The following PRKAG2 variants were observed in gnomAD, a reference collection of about 807,000 sequenced individuals.
The protein encoded by PRKAG2 is protein kinase AMP-activated non-catalytic subunit gamma 2.
Under a neutral mutation model 69.6 loss-of-function variants are expected in PRKAG2, and 26 were observed. The observed-to-expected ratio is 0.37, with a 90% confidence interval of 0.27 to 0.52. The LOEUF is 0.52. Ranked by LOEUF, PRKAG2 falls within the 20% of genes least tolerant of loss-of-function variation. PRKAG2 has a pLI of 0.90. For missense variants in PRKAG2, 557 were observed against 740.0 expected (o/e 0.75, Z 2.87); for synonymous variants, 293 against 285.0 (o/e 1.03, Z -0.28).
intron 1 of PRKAG2, chr7:151,809,175 GC>G (rs1259479299): frequency 4.4e-6 from 2 of 453,394 alleles, no homozygotes; most frequent in Non-Finnish European, 8.9e-6. Context: ...TTGGGTCTTG[GC>G]CTAATACTAA....
intron 3 of PRKAG2, among the ~76,000 whole-genome samples, chr7:151,697,268 C>G (rs1023727387): frequency 3.9e-5 from 6 of 152,140 alleles, no homozygotes; most frequent in African/African-American, 9.7e-5. Context: ...ACCAGGCCTG[C>G]TCTTGGGGTC....
chr7:151,796,651 G>A (rs150588344), intron 1 of PRKAG2, among the ~76,000 whole-genome samples: 39 of 152,194 alleles, frequency 2.6e-4, no homozygotes, highest in South Asian at 1.0e-3. Context: ...GGCAAGGACC[G>A]CGTCTTTTTC....
At chr7:151,584,724 C>G (rs1811244357) in intron 6 of PRKAG2, among the ~76,000 whole-genome samples, 1 of 152,076 alleles carries the variant, frequency 6.6e-6, no homozygotes, top group African/African-American at 2.4e-5. Flanking sequence ...TAGCAAAACC[C>G]TGCCTCTACA....
intron 5 of PRKAG2, among the ~76,000 whole-genome samples, chr7:151,625,519 A>T (rs192412158): frequency 6.6e-6 from 1 of 152,206 alleles, no homozygotes; most frequent in African/African-American, 2.4e-5. Context: ...ATATGTTTGA[A>T]GGAAATATCT....
intron 5 of PRKAG2, among the ~76,000 whole-genome samples, chr7:151,616,318 GCACA>G (rs1820135973): frequency 1.3e-5 from 2 of 152,132 alleles, no homozygotes; most frequent in Admixed American, 1.3e-4. Context: ...ACACACACAT[GCACA>G]CACACTCATA....
In PRKAG2 at chr7:151,876,464, G is replaced by A. The variant is rs75750979; in HGVS notation, c.114+43C>T. 72,307 of 1,561,556 alleles carry A rather than the reference G, an allele frequency of 0.046. 2,487 individuals carry two copies. The highest frequency in any genetic ancestry group is 0.18 in the East Asian group (8,122 of 44,624). ...CCGCTTCGGCGCCGGGGACGGGAGC[G>A]ACAGGAGGGCTGGGGAGCAGGGGAC... is the stretch of plus-strand genomic sequence containing the variant. On this transcript the variant is annotated intron_variant, in intron 1 of 15. Coordinates refer to ENST00000287878, the MANE Select transcript of PRKAG2 (RefSeq NM_016203.4).
intron 1 of PRKAG2, among the ~76,000 whole-genome samples, chr7:151,838,460 C>A (rs1215110849): frequency 6.6e-6 from 1 of 151,368 alleles, no homozygotes; most frequent in Non-Finnish European, 1.5e-5. Flanking sequence ...ATAATCCCAG[C>A]ACTTTGGGAG....
intron 1 of PRKAG2, among the ~76,000 whole-genome samples, chr7:151,805,319 C>T (rs1341949995): frequency 6.6e-6 from 1 of 152,202 alleles, no homozygotes; most frequent in Admixed American, 6.5e-5. Context: ...GGAGAAACAG[C>T]TGCACGGCCA....
chr7:151,596,307 A>G (rs377500263), intron 5 of PRKAG2, among the ~76,000 whole-genome samples: 68 of 152,370 alleles, frequency 4.5e-4, no homozygotes, highest in African/African-American at 1.6e-3. Context: ...AATCAGTAGC[A>G]TTTCTATACA....
chr7:151,711,242 A>ACTAGGCTGAGAGTATGAAGAGTG (rs1795255388), intron 3 of PRKAG2, among the ~76,000 whole-genome samples: 3 of 150,772 alleles, frequency 2.0e-5, no homozygotes, highest in Admixed American at 2.0e-4. Context: ...TGCTAAGAGT[A>ACTAGGCTGAGAGTATGAAGAGTG]CTAGGCTGAG....
chr7:151,566,123 T>C (rs912114873), intron 11 of PRKAG2, among the ~76,000 whole-genome samples: 11 of 152,226 alleles, frequency 7.2e-5, no homozygotes, highest in Non-Finnish European at 8.8e-5. Flanking sequence ...GCATTGATAC[T>C]GTAATCTTTT....
chr7:151,624,893 A>G (rs183299992), intron 5 of PRKAG2, among the ~76,000 whole-genome samples: 6 of 152,332 alleles, frequency 3.9e-5, no homozygotes, highest in Admixed American at 3.9e-4. Context: ...TGTCTTTGTA[A>G]GAAATAACAT....
intron 6 of PRKAG2, among the ~76,000 whole-genome samples, chr7:151,591,989 C>G (rs915478394): frequency 2.0e-5 from 3 of 152,126 alleles, no homozygotes; most frequent in Admixed American, 6.5e-5. Context: ...CAGGGAACTA[C>G]TAGGCCCCCC....
chr7:151,562,203 C>A (rs1181592261), intron 14 of PRKAG2, among the ~76,000 whole-genome samples: 1 of 141,482 alleles, frequency 7.1e-6, no homozygotes, highest in Non-Finnish European at 1.5e-5. Context: ...TGAGATTGCG[C>A]CACTGCACTC....
intron 1 of PRKAG2, among the ~76,000 whole-genome samples, chr7:151,793,602 C>T (rs758176533): frequency 2.6e-5 from 4 of 152,314 alleles, no homozygotes; most frequent in East Asian, 1.9e-4. Flanking sequence ...AGTCACTGCC[C>T]GGGGAGTGGC....
At chr7:151,863,125 CGGGTACAGGGGGCACTGGTAGACCCCA>C (rs1453835406) in intron 1 of PRKAG2, among the ~76,000 whole-genome samples, 5 of 144,806 alleles carry the variant, frequency 3.5e-5, no homozygotes, top group African/African-American at 2.6e-5. Flanking sequence ...GGTAGGTCCC[CGGGTACAGGGGGCACTGGTAGACCCCA>C]GGGTACAGGG....
intron 3 of PRKAG2, among the ~76,000 whole-genome samples, chr7:151,770,412 A>G (rs1563634076): frequency 6.6e-6 from 1 of 152,196 alleles, no homozygotes; most frequent in Non-Finnish European, 1.5e-5. Context: ...GTGAATATTC[A>G]TAGCTCCTCC....
At chr7:151,848,594 G>A (rs531825461) in intron 1 of PRKAG2, among the ~76,000 whole-genome samples, 1 of 120,542 alleles carries the variant, frequency 8.3e-6, no homozygotes, top group South Asian at 2.8e-4. Context: ...GCGCAATCTT[G>A]GCTCATTGCA....
At position 151,602,020 on chromosome 7, in the gene PRKAG2, C is replaced by T. The variant is rs371833177; in HGVS notation, c.755-6566G>A. ...ACACTGATAGACTAGACAGTGAGGGCCCTGCTTAAGAAAGGCCTGAAACAG... is the reference window on the plus strand; with the variant it reads ...ACACTGATAGACTAGACAGTGAGGGTCCTGCTTAAGAAAGGCCTGAAACAG... On this transcript the variant is annotated intron_variant, in intron 5 of 15. Transcript: ENST00000287878. Among the ~76,000 whole-genome samples the T allele has an allele frequency of 6.8e-4, 103 of 152,344 alleles. 1 individual carries two copies. In the Middle Eastern group the frequency reaches 0.031, roughly 45 times the overall value.
Sources: allele counts gnomAD v4.1 joint callset (sites outside exome capture counted in the v4.1 genomes callset), GRCh38; gene constraint gnomAD v4.1.1; transcripts MANE v1.5; gene names NCBI Gene and HGNC (gene_info 2026-07-23, HGNC 2026-07-21).